PTAFR: variants seen among roughly 807,000 people sequenced by gnomAD.
PTAFR encodes platelet-activating factor receptor.
PTAFR carries 8 observed loss-of-function variants against 14.7 expected under a neutral mutation model. The ratio of observed to expected loss-of-function variants is 0.54; its 90% CI spans 0.32 to 0.98. The LOEUF is 0.98. Among genes scored for constraint, PTAFR ranks in the 50% least tolerant of loss-of-function variants. The pLI, the probability that PTAFR is intolerant of heterozygous loss-of-function variation, is 0.04. For missense variants in PTAFR, 337 were observed against 451.2 expected (o/e 0.75, Z 2.29); for synonymous variants, 156 against 176.5 (o/e 0.88, Z 0.92).
Position 28,150,987 on chromosome 1 carries a change from T to G in PTAFR, c.35A>C (p.Glu12Ala). Reference sequence around the variant, plus strand: ...AATCGGGAAGAGAGTGTATCGGAACTCAGAGTCCATGTGGGAGGAGTCATG... The same window carrying G: ...AATCGGGAAGAGAGTGTATCGGAACGCAGAGTCCATGTGGGAGGAGTCATG... ...EPHDSSHMDS[E>A]FRYTLFPIVY... Residue 12 changes from glutamate to alanine, a missense_variant, in exon 2 of 2, where the codon GAG becomes GCG. By Grantham distance (107) the Glu-to-Ala change is moderately radical (BLOSUM62 -1). Coordinates refer to ENST00000373857, the MANE Select transcript of PTAFR (RefSeq NM_000952.5). The surrounding 1 kb of genome is among the most constrained non-coding windows in gnomAD (Gnocchi z 6.3). 1 of 1,606,680 alleles carries G rather than the reference T, an allele frequency of 6.2e-7. No homozygotes were observed. The highest frequency in any genetic ancestry group is 1.1e-5 in the South Asian group (1 of 89,942).
intron 1 of PTAFR, among the ~76,000 whole-genome samples, chr1:28,157,881 C>T (rs540518169): frequency 1.6e-4 from 24 of 152,178 alleles, no homozygotes; most frequent in African/African-American, 5.3e-4. Flanking sequence ...CTGCCCGCCT[C>T]GGCCTCCCAA....
In PTAFR at chr1:28,150,006, G is replaced by A; in HGVS notation, c.1016C>T (p.Ser339Phe). ...TGGAAGCAGGGACTAATTTTTGAGGGAATTGCCAGGGATCTGGTTGAATGG... is the reference window on the plus strand; with the variant it reads ...TGGAAGCAGGGACTAATTTTTGAGGAAATTGCCAGGGATCTGGTTGAATGG... Reference protein sequence around the residue: ...VVPFNQIPGNSLKN With the variant: ...VVPFNQIPGNFLKN The change falls in exon 2 of 2, where the codon TCC (serine) becomes TTC (phenylalanine). Residue 339 changes from serine to phenylalanine, a missense_variant. Ser to Phe is a radical substitution (Grantham distance 155). Coordinates refer to ENST00000373857, the MANE Select transcript of PTAFR (RefSeq NM_000952.5). The surrounding 1 kb of genome is among the most constrained non-coding windows in gnomAD (Gnocchi z 6.3). 2.5e-6 allele frequency: 4 copies of A among 1,611,940 alleles called. No homozygotes were observed. The highest frequency in any genetic ancestry group is 1.1e-5 in the South Asian group (1 of 90,882).
chr1:28,166,133 G>C (rs570704957), intron 1 of PTAFR, among the ~76,000 whole-genome samples: 10 of 152,274 alleles, frequency 6.6e-5, no homozygotes, highest in African/African-American at 2.4e-4. Context: ...GGACAGAATA[G>C]AGAGACCCAA....
At chr1:28,192,333 G>T (rs1281764818) in intron 1 of PTAFR, among the ~76,000 whole-genome samples, 1 of 152,058 alleles carries the variant, frequency 6.6e-6, no homozygotes, top group African/African-American at 2.4e-5. Context: ...ACCGAGGCGG[G>T]TGGATCACCT....
rs1401568688 is a variant in PTAFR, at chr1:28,150,511, T to A, written c.511A>T (p.Thr171Ser). 4 of 1,613,942 alleles carry A rather than the reference T, an allele frequency of 2.5e-6. No individual in the cohort carries two copies. Among genetic ancestry groups the A allele is most frequent in the Non-Finnish European group, 3.4e-6 (4 of 1,180,002 alleles). Residue 171 changes from threonine to serine, a missense_variant, in exon 2 of 2, where the codon ACT becomes TCT. By Grantham distance (58) the Thr-to-Ser change is moderately conservative (BLOSUM62 1). Coordinates refer to ENST00000373857, the MANE Select transcript of PTAFR (RefSeq NM_000952.5). This position sits in a 1 kb window ranked among gnomAD's most constrained non-coding sequence, Gnocchi z 6.3. ...TTCTCGTAATGCTCAAAGCAGCGAG[T>A]GACGTTGCCTGAGCCAGCACTGTCG... Reference protein sequence around the residue: ...VPDSAGSGNVTRCFEHYEKGS... With the variant: ...VPDSAGSGNVSRCFEHYEKGS...
intron 1 of PTAFR, among the ~76,000 whole-genome samples, chr1:28,168,161 A>C (rs572025406): frequency 3.5e-4 from 51 of 146,522 alleles, no homozygotes; most frequent in Admixed American, 1.5e-3. Context: ...TTAGTAGAGA[A>C]GGGGTTTCAC....
At chr1:28,162,476 T>C (rs971592422) in intron 1 of PTAFR, among the ~76,000 whole-genome samples, 80 of 152,256 alleles carry the variant, frequency 5.3e-4, no homozygotes, top group African/African-American at 1.8e-3. Flanking sequence ...TGGCACCACC[T>C]GCAAGCTTGT....
At chr1:28,162,807 C>T (rs1350383015) in intron 1 of PTAFR, among the ~76,000 whole-genome samples, 1 of 125,774 alleles carries the variant, frequency 8.0e-6, no homozygotes, top group African/African-American at 3.1e-5. Context: ...CCAGCCTGGG[C>T]GACAGAGCGA....
At chr1:28,169,538 C>T (rs148362487) in intron 1 of PTAFR, among the ~76,000 whole-genome samples, 1 of 152,268 alleles carries the variant, frequency 6.6e-6, no homozygotes, top group East Asian at 1.9e-4. Context: ...ACTCTGTAGT[C>T]AGACAAACCT....
At chr1:28,188,482 G>A (rs1023327578) in intron 1 of PTAFR, among the ~76,000 whole-genome samples, 2 of 151,914 alleles carry the variant, frequency 1.3e-5, no homozygotes, top group Admixed American at 6.6e-5. Context: ...GCTCATGCCT[G>A]TATCCTAGCA....
rs759644774 is a variant in PTAFR at position 28,151,043 on chromosome 1, GCT to G, written c.-24_-23del. 1.3e-6 allele frequency: 2 copies of G among 1,542,686 alleles called. No individual in the cohort carries two copies. The highest frequency in any genetic ancestry group is 4.5e-5 in the East Asian group (2 of 44,304). ...CCATTGCTGTGGGCTGGAATGATCA[GCT>G]GGTCCTGGTGGTGCCTGGAAGACCA... On this transcript the variant is annotated 5_prime_UTR_variant, in exon 2 of 2. Transcript: ENST00000373857.
intron 1 of PTAFR, among the ~76,000 whole-genome samples, chr1:28,185,075 C>G (rs1185014446): frequency 6.6e-6 from 1 of 152,208 alleles, no homozygotes; most frequent in Non-Finnish European, 1.5e-5. Context: ...GCAGCCATCC[C>G]CCCACATTCC....
Position 28,147,189 on chromosome 1 carries a change from T to C in PTAFR, c.*2804A>G, listed in dbSNP as rs543579545. ...ACTTAATTTAAAGAAAACTTCTTTA[T>C]TAAGTAAATGGACAGTTGGTACACA... On this transcript the variant is annotated 3_prime_UTR_variant, in exon 2 of 2. Transcript: ENST00000373857. 6.6e-6 allele frequency: 1 copy of C among 152,322 alleles called. No homozygotes were observed. The highest frequency in any genetic ancestry group is 2.4e-5 in the African/African-American group (1 of 41,578). 9.4% of individuals were successfully genotyped at this position (152,322 alleles called of 1,614,324 possible).
intron 1 of PTAFR, among the ~76,000 whole-genome samples, chr1:28,186,687 G>A (rs886289901): frequency 6.6e-6 from 1 of 152,184 alleles, no homozygotes; most frequent in Non-Finnish European, 1.5e-5. Context: ...ATTTTTGGTA[G>A]GCTGAGGCAG....
intron 1 of PTAFR, among the ~76,000 whole-genome samples, chr1:28,187,843 T>G (rs1293839449): frequency 6.6e-6 from 1 of 152,190 alleles, no homozygotes; most frequent in African/African-American, 2.4e-5. Context: ...CTGGATAAAT[T>G]TGACCATAGA....
At chr1:28,188,633 G>C (rs1646625273) in intron 1 of PTAFR, among the ~76,000 whole-genome samples, 1 of 152,016 alleles carries the variant, frequency 6.6e-6, no homozygotes. Flanking sequence ...TATTCAGCAG[G>C]CTGAGGCAGG....
intron 1 of PTAFR, among the ~76,000 whole-genome samples, chr1:28,152,216 A>G (rs749141876): frequency 1.2e-4 from 19 of 152,120 alleles, no homozygotes; most frequent in Admixed American, 9.2e-4. Context: ...TTTTTCCTAC[A>G]TAAAATAATG....
intron 1 of PTAFR, among the ~76,000 whole-genome samples, chr1:28,169,979 G>A (rs1646434335): frequency 1.4e-5 from 2 of 146,916 alleles, no homozygotes; most frequent in South Asian, 4.2e-4. Flanking sequence ...GAGTCTGGGC[G>A]ACAGAGCGAG....
intron 1 of PTAFR, among the ~76,000 whole-genome samples, chr1:28,188,311 T>C (rs1336206060): frequency 6.6e-6 from 1 of 152,130 alleles, no homozygotes; most frequent in African/African-American, 2.4e-5. Flanking sequence ...CCTGGTGTGA[T>C]GGTGCACGCC....
Sources: gnomAD v4.1 joint callset for allele counts (sites outside exome capture counted in the v4.1 genomes callset) on GRCh38, gnomAD v4.1.1 for gene constraint, Gnocchi (gnomAD v3.1) non-coding constraint, MANE v1.5 for transcripts, NCBI Gene and HGNC (gene_info 2026-07-23, HGNC 2026-07-21) for gene names.